Variants in ZNF469 observed in about 807,000 individuals in gnomAD.
ZNF469 encodes the protein zinc finger protein 469.
A neutral mutation model predicts 1.0 loss-of-function variants in ZNF469; 1 was observed. The observed-to-expected ratio is 1.00, with a 90% CI of 0.35 to 4.73. The LOEUF is 4.73. Among genes scored for constraint, ZNF469 ranks in the 30% most tolerant of loss-of-function variants. ZNF469 has a pLI of 0.16. For synonymous variants in ZNF469, 2,703 were observed against 2,363.4 expected (o/e 1.14, Z -4.17); for missense variants, 6,100 against 5,356.3 (o/e 1.14, Z -4.33).
the ZNF469 span, among the ~76,000 whole-genome samples, chr16:88,176,865 C>G: frequency 4.6e-5 from 7 of 152,360 alleles, no homozygotes; most frequent in African/African-American, 1.7e-4. Context: ...ACAGATGCAG[C>G]ACGGAACACG....
Position 88,427,718 on chromosome 16 carries a change from C to T in ZNF469, c.248C>T (p.Pro83Leu), listed in dbSNP as rs775103017. 75 of 1,535,124 alleles carry T rather than the reference C, an allele frequency of 4.9e-5. No homozygotes were observed. In the African/African-American group the frequency reaches 5.5e-4, roughly 11 times the overall value. ...CCCCCATCCCTGAGAGGCCAGGCCCCGAGCAGCACCCCTGGGAAGAGGGGC... is the reference window on the plus strand; with the variant it reads ...CCCCCATCCCTGAGAGGCCAGGCCCTGAGCAGCACCCCTGGGAAGAGGGGC... ...LKPPSLRGQA[P>L]SSTPGKRGSP... The change falls in exon 3 of 3, where the codon CCG (proline) becomes CTG (leucine). Residue 83 changes from proline to leucine, a missense_variant. Transcript: ENST00000565624.
the ZNF469 span, among the ~76,000 whole-genome samples, chr16:88,193,992 G>T: frequency 6.6e-6 from 1 of 152,178 alleles, no homozygotes; most frequent in East Asian, 1.9e-4. Flanking sequence ...TGAGGTTAAG[G>T]ATTTCAACAA....
chr16:88,120,536 C>T, the ZNF469 span, among the ~76,000 whole-genome samples: 6 of 152,230 alleles, frequency 3.9e-5, no homozygotes, highest in African/African-American at 7.2e-5. Flanking sequence ...CAGTTGCAGG[C>T]GGCCGGATGC....
chr16:88,325,152 A>C, the ZNF469 span, among the ~76,000 whole-genome samples: 55 of 88,622 alleles, frequency 6.2e-4, no homozygotes, highest in African/African-American at 1.8e-3. Context: ...TCCCGACAGC[A>C]GCTGCGACAT....
chr16:88,246,971 G>C, the ZNF469 span, among the ~76,000 whole-genome samples: 1 of 151,794 alleles, frequency 6.6e-6, no homozygotes, highest in Non-Finnish European at 1.5e-5. Flanking sequence ...GAATAAGTGA[G>C]TGAATGAGTG....
chr16:88,137,112 G>GCATACAGCCATGTGCA, the ZNF469 span, among the ~76,000 whole-genome samples: 7 of 152,234 alleles, frequency 4.6e-5, no homozygotes, highest in East Asian at 1.3e-3. Context: ...AGTCATGTGT[G>GCATACAGCCATGTGCA]CATACAGCCA....
At chr16:88,375,955 G>C in the ZNF469 span, among the ~76,000 whole-genome samples, 2 of 152,268 alleles carry the variant, frequency 1.3e-5, no homozygotes, top group Admixed American at 1.3e-4. Context: ...AAGCCATTTG[G>C]AGAGGAAAAG....
the ZNF469 span, among the ~76,000 whole-genome samples, chr16:88,165,296 C>T: frequency 5.9e-5 from 9 of 152,392 alleles, no homozygotes; most frequent in African/African-American, 1.7e-4. Flanking sequence ...GCCCAGCTCA[C>T]GCCACCCCGG....
chr16:88,396,499 C>T lies in ZNF469; in HGVS notation c.-192+13245C>T, dbSNP rs557456748. 5.8e-3 allele frequency among the ~76,000 whole-genome samples: 844 copies of T among 145,672 alleles called. 6 individuals carry two copies. Among genetic ancestry groups the T allele is most frequent in the Middle Eastern group, 0.031 (8 of 254 alleles). On this transcript the variant is annotated intron_variant, in intron 1 of 2. Transcript: ENST00000565624. Reference sequence around the variant, plus strand: ...TGAAGGGAGGCCGGGAGGAGACCCTCATGAAGGGAGGCCAGGCGGAGACCC... The same window carrying T: ...TGAAGGGAGGCCGGGAGGAGACCCTTATGAAGGGAGGCCAGGCGGAGACCC...
At chr16:88,151,777 G>C in the ZNF469 span, among the ~76,000 whole-genome samples, 33 of 152,324 alleles carry the variant, frequency 2.2e-4, no homozygotes, top group South Asian at 4.1e-4. This position sits in a 1 kb window ranked among gnomAD's most constrained non-coding sequence, Gnocchi z 5.4. Flanking sequence ...GCAAGCTACA[G>C]CTCCCAAGAA....
the ZNF469 span, among the ~76,000 whole-genome samples, chr16:88,290,891 A>G: frequency 6.6e-6 from 1 of 152,188 alleles, no homozygotes; most frequent in Non-Finnish European, 1.5e-5. Flanking sequence ...CTTTCCAGGG[A>G]TCCCTCTGCC....
the ZNF469 span, among the ~76,000 whole-genome samples, chr16:88,310,643 C>T: frequency 5.3e-4 from 80 of 151,790 alleles, no homozygotes; most frequent in Admixed American, 4.9e-3. Context: ...AGTGCAGCAG[C>T]GCGATCTCGG....
chr16:88,126,656 G>GT, the ZNF469 span, among the ~76,000 whole-genome samples: 2 of 144,442 alleles, frequency 1.4e-5, no homozygotes, highest in South Asian at 2.3e-4. Flanking sequence ...TATGTTTTTT[G>GT]TTTTTTGTTT....
the ZNF469 span, among the ~76,000 whole-genome samples, chr16:88,197,658 C>T: frequency 5.6e-3 from 860 of 152,322 alleles, 8 homozygotes; most frequent in African/African-American, 0.019. Flanking sequence ...GTCTGACAGC[C>T]ACCCAGTACG....
the ZNF469 span, among the ~76,000 whole-genome samples, chr16:88,212,647 C>G: frequency 3.3e-5 from 5 of 152,188 alleles, no homozygotes; most frequent in Admixed American, 1.3e-4. Flanking sequence ...GTGGTGCCAT[C>G]TTGACTCACT....
chr16:88,174,911 A>G, the ZNF469 span, among the ~76,000 whole-genome samples: 1 of 151,114 alleles, frequency 6.6e-6, no homozygotes, highest in Non-Finnish European at 1.5e-5. Context: ...CATTGGCGCC[A>G]CAACCTCTGC....
chr16:88,254,472 T>C, the ZNF469 span, among the ~76,000 whole-genome samples: 471 of 152,294 alleles, frequency 3.1e-3, 1 homozygote, highest in Non-Finnish European at 4.9e-3. Flanking sequence ...AGAGATCATC[T>C]GGCAGCCGGG....
chr16:88,339,769 C>T, the ZNF469 span, among the ~76,000 whole-genome samples: 1 of 62,522 alleles, frequency 1.6e-5, no homozygotes, highest in African/African-American at 6.3e-5. Flanking sequence ...GGCAGGGGGA[C>T]GGGGGGACAT....
chr16:88,433,850 T>C lies in ZNF469; in HGVS notation c.6380T>C (p.Leu2127Pro). 6.5e-7 allele frequency: 1 copy of C among 1,549,664 alleles called. No homozygotes were observed. Among genetic ancestry groups the C allele is most frequent in the Non-Finnish European group, 8.7e-7 (1 of 1,146,648 alleles). ...TCAGCCGCCCACATGCCCTGCAGCC[T>C]TGGGCCCCTGCCCCGTGAAGACCCA... ...PTSAAHMPCS[L>P]GPLPREDPLT... The change falls in exon 3 of 3, where the codon CTT (leucine) becomes CCT (proline). Residue 2127 changes from leucine to proline, a missense_variant. Transcript: ENST00000565624.
Sources: allele counts gnomAD v4.1 joint callset (sites outside exome capture counted in the v4.1 genomes callset), GRCh38; gene constraint gnomAD v4.1.1; non-coding constraint Gnocchi (gnomAD v3.1); transcripts MANE v1.5; gene names NCBI Gene and HGNC (gene_info 2026-07-23, HGNC 2026-07-21).